Variants in CPNE1 observed in about 807,000 individuals in gnomAD.
The protein encoded by CPNE1 is copine-1.
A neutral mutation model predicts 63.2 loss-of-function variants in CPNE1; 58 were observed. The ratio of observed to expected loss-of-function variants is 0.92; its 90% CI spans 0.74 to 1.14. CPNE1 has a LOEUF of 1.14. Among genes scored for constraint, CPNE1 ranks in the 50% most tolerant of loss-of-function variants. The pLI is 0.00. For missense variants in CPNE1, 672 were observed against 661.7 expected (o/e 1.02, Z -0.17); for synonymous variants, 237 against 249.0 (o/e 0.95, Z 0.45).
chr20:35,654,711 G>A (rs2033786998), intron 1 of CPNE1: 1 of 1,613,712 alleles, frequency 6.2e-7, no homozygotes, highest in African/African-American at 1.3e-5. Context: ...TTGGGGGAAT[G>A]GATGGCATTG....
intron 1 of CPNE1, among the ~76,000 whole-genome samples, chr20:35,662,802 T>C (rs73905924): frequency 2.0e-5 from 3 of 152,306 alleles, no homozygotes; most frequent in Admixed American, 6.5e-5. Flanking sequence ...ATCAAAACAT[T>C]TGACGTGTCA....
At chr20:35,662,661 C>A (rs1332756970) in intron 1 of CPNE1, among the ~76,000 whole-genome samples, 1 of 152,206 alleles carries the variant, frequency 6.6e-6, no homozygotes, top group Non-Finnish European at 1.5e-5. Flanking sequence ...GACAGAATGG[C>A]TCTCTGCAAA....
chr20:35,649,038 G>C (rs2033319804), intron 1 of CPNE1: 1 of 152,642 alleles, frequency 6.6e-6, no homozygotes, highest in African/African-American at 2.4e-5. Flanking sequence ...TGCCAAGGCA[G>C]TATTTGCTGG....
chr20:35,647,566 T>C (rs59878572), intron 1 of CPNE1: 1 of 152,212 alleles, frequency 6.6e-6, no homozygotes, highest in African/African-American at 2.4e-5. Context: ...GGGTCTGAAA[T>C]GTTTATGTCA....
intron 6 of CPNE1, 42 bp from the exon 7 acceptor site, chr20:35,631,819 C>A: frequency 6.4e-7 from 1 of 1,572,910 alleles, no homozygotes; most frequent in Non-Finnish European, 8.7e-7. Context: ...TCTGGCATGG[C>A]CCCCTGAGGA....
chr20:35,626,550 A>C lies in CPNE1; in HGVS notation c.1473+17T>G, dbSNP rs755632708. ...GGTGAAAGGGTAAACTCCCAGATCAAATTTGCACCTACTCACATTCTGGAA... is the reference window on the plus strand; with the variant it reads ...GGTGAAAGGGTAAACTCCCAGATCACATTTGCACCTACTCACATTCTGGAA... On this transcript the variant is annotated intron_variant, in intron 15 of 15. Coordinates refer to ENST00000397443, the MANE Select transcript of CPNE1 (RefSeq NM_152925.3). 15 of 1,611,876 alleles carry C rather than the reference A, an allele frequency of 9.3e-6. No individual in the cohort carries two copies. Among genetic ancestry groups the C allele is most frequent in the Admixed American group, 5.0e-5 (3 of 59,992 alleles).
intron 13 of CPNE1, among the ~76,000 whole-genome samples, chr20:35,630,083 C>T (rs2032017838): frequency 6.6e-6 from 1 of 152,102 alleles, no homozygotes; most frequent in Admixed American, 6.5e-5. Flanking sequence ...CACCTGAGGT[C>T]AGGAATTCGA....
At position 35,626,084 on chromosome 20, in the gene CPNE1, G is replaced by A. The variant is rs2031952603; in HGVS notation, c.*157C>T. On this transcript the variant is annotated 3_prime_UTR_variant, in exon 16 of 16. Coordinates refer to ENST00000397443, the MANE Select transcript of CPNE1 (RefSeq NM_152925.3). ...CTTTATTGAATGAGGGTTGTCAGGA[G>A]CAAAGGTGGGATCAAGAGCAGCAAA... is the stretch of plus-strand genomic sequence containing the variant. 1 of 784,988 alleles carries A rather than the reference G, an allele frequency of 1.3e-6. No individual in the cohort carries two copies. The highest frequency in any genetic ancestry group is 1.6e-5 in the South Asian group (1 of 63,990). 48.6% of individuals were successfully genotyped at this position (784,988 alleles called of 1,614,324 possible). A position where few individuals can be genotyped will look rare whatever the true frequency, so the allele number is the denominator to read the frequency against.
At chr20:35,663,472 AC>A (rs2034346452) in intron 1 of CPNE1, among the ~76,000 whole-genome samples, 1 of 152,086 alleles carries the variant, frequency 6.6e-6, no homozygotes, top group South Asian at 2.1e-4. Flanking sequence ...CCTTCAACAA[AC>A]CTTCAGTTGC....
chr20:35,633,025 G>A, intron 1 of CPNE1, 102 bp from the exon 2 acceptor site: 2 of 778,070 alleles, frequency 2.6e-6, no homozygotes, highest in South Asian at 1.6e-5. Flanking sequence ...CCCAGGCAGG[G>A]CTGAGCATAC....
At position 35,630,749 on chromosome 20, in the gene CPNE1, CAG is replaced by C; in HGVS notation, c.1040_1041del (p.Pro347ArgfsTer7). 15 of 1,613,900 alleles carry C rather than the reference CAG, an allele frequency of 9.3e-6. No homozygotes were observed. Among genetic ancestry groups the C allele is most frequent in the Non-Finnish European group, 1.3e-5 (15 of 1,179,922 alleles). Reference protein sequence around the residue: ...PAFGFGAQVPPDWQVSHEFAL... With the variant: ...PAFGFGAQVPXDWQVSHEFAL... ...AAAGAGAGGGAGCTCACCTGCCAGT[CAG>C]GGGGAACCTGGGCCCCAAATCCAAA... On this transcript the variant is annotated frameshift_variant, in exon 12 of 16. Coordinates refer to ENST00000397443, the MANE Select transcript of CPNE1 (RefSeq NM_152925.3). LOFTEE classifies it high-confidence loss of function.
chr20:35,644,043 TG>T, intron 1 of CPNE1, among the ~76,000 whole-genome samples: 1 of 152,148 alleles, frequency 6.6e-6, no homozygotes, highest in South Asian at 2.1e-4. Context: ...TTTCTCTGCC[TG>T]GATTACCCCA....
rs768913620 is a variant in CPNE1 at position 35,631,045 on chromosome 20, G to A, written c.862-11C>T. On this transcript the variant is annotated splice_polypyrimidine_tract_variant and intron_variant, in intron 10 of 15. Coordinates refer to ENST00000397443, the MANE Select transcript of CPNE1 (RefSeq NM_152925.3). Reference sequence around the variant, plus strand: ...GAAGTCCACGCCCACCTGGGAGGAGGTGAGGAAGGCAGCTAAAGGCCACCC... The same window carrying A: ...GAAGTCCACGCCCACCTGGGAGGAGATGAGGAAGGCAGCTAAAGGCCACCC... The A allele has an allele frequency of 1.2e-6, 2 of 1,614,218 alleles. No individual in the cohort carries two copies. The highest frequency in any genetic ancestry group is 8.5e-7 in the Non-Finnish European group (1 of 1,180,046).
chr20:35,637,338 C>T (rs2032542255), intron 1 of CPNE1, among the ~76,000 whole-genome samples: 1 of 152,160 alleles, frequency 6.6e-6, no homozygotes. Flanking sequence ...TGCTGCACAA[C>T]TCCAAAGGAC....
rs1224972933 is a variant in CPNE1 at position 35,664,800 on chromosome 20, A to G, written c.-41T>C. ...GGCACCAGAACCCAGACCCCGAATTACCCCCCGCGCGAGTGCCTCCGCCCC... is the reference window on the plus strand; with the variant it reads ...GGCACCAGAACCCAGACCCCGAATTGCCCCCCGCGCGAGTGCCTCCGCCCC... On this transcript the variant is annotated 5_prime_UTR_variant, in exon 1 of 16. Transcript: ENST00000397443. 6.6e-6 allele frequency: 1 copy of G among 151,454 alleles called. No individual in the cohort carries two copies. Among genetic ancestry groups the G allele is most frequent in the African/African-American group, 2.4e-5 (1 of 41,078 alleles). 9.4% of individuals were successfully genotyped at this position (151,454 alleles called of 1,614,324 possible).
intron 1 of CPNE1, chr20:35,658,803 AC>A (rs1263599608): frequency 3.5e-3 from 82 of 23,230 alleles, no homozygotes; most frequent in East Asian, 7.0e-3. Context: ...GCAAACAAAA[AC>A]ACACACACAC....
chr20:35,634,309 C>A (rs1489770754), intron 1 of CPNE1, among the ~76,000 whole-genome samples: 1 of 150,750 alleles, frequency 6.6e-6, no homozygotes, highest in Non-Finnish European at 1.5e-5. Context: ...TGCCTGAACC[C>A]TCTAGTACTT....
At position 35,630,916 on chromosome 20, in the gene CPNE1, A is replaced by G; in HGVS notation, c.980T>C (p.Val327Ala). 1 of 1,609,926 alleles carries G rather than the reference A, an allele frequency of 6.2e-7. No individual in the cohort carries two copies. Among genetic ancestry groups the G allele is most frequent in the South Asian group, 1.1e-5 (1 of 90,682 alleles). ...LMALWSVGSV[V>A]QDYDSDKLFP... is the part of the protein sequence containing the mutation. The stretch of plus-strand genomic sequence containing the variant: ...AGGTACTCACGAGTCATAGTCCTGA[A>G]CCACGCTGCCCACACTCCACAGTGC... Residue 327 changes from valine to alanine, a missense_variant, in exon 11 of 16, where the codon GTT (valine) becomes GCT (alanine). By Grantham distance (64) the Val-to-Ala change is moderately conservative. Transcript: ENST00000397443.
chr20:35,655,194 A>C, intron 1 of CPNE1: 1 of 1,614,196 alleles, frequency 6.2e-7, no homozygotes, highest in Non-Finnish European at 8.5e-7. Flanking sequence ...AAACGATGAA[A>C]GCCTCACCCA....
Sources: gnomAD v4.1 joint callset for allele counts (sites outside exome capture counted in the v4.1 genomes callset) on GRCh38, gnomAD v4.1.1 for gene constraint, MANE v1.5 for transcripts, NCBI Gene and HGNC (gene_info 2026-07-23, HGNC 2026-07-21) for gene names.